The following BCLAF1 variants were observed in gnomAD, a reference collection of about 807,000 sequenced individuals.
BCLAF1 encodes bcl-2-associated transcription factor 1.
In BCLAF1, 10 loss-of-function variants were observed where a neutral mutation model predicts 99.5. That is an observed-to-expected ratio of 0.10 (90% CI 0.06 to 0.17). The LOEUF (loss-of-function observed/expected upper bound fraction) is 0.17, where lower values mean the gene tolerates loss of function less well. Among genes scored for constraint, BCLAF1 ranks in the 10% least tolerant of loss-of-function variants. The pLI is 1.00. For synonymous variants in BCLAF1, 255 were observed against 370.9 expected, an observed-to-expected ratio of 0.69 and a Z score of 3.59; for missense variants, 636 against 1,105.8, an observed-to-expected ratio of 0.58 and a Z score of 6.02.
chr6:136,263,610 T>C (rs1347727491), intron 11 of BCLAF1, among the ~76,000 whole-genome samples: 9 of 152,310 alleles, frequency 5.9e-5, no homozygotes, highest in African/African-American at 2.2e-4. Flanking sequence ...AAGGAGTCTG[T>C]ATTAGAAACC....
chr6:136,269,080 T>C, intron 9 of BCLAF1: 1 of 1,117,646 alleles, frequency 8.9e-7, no homozygotes, highest in South Asian at 2.0e-5. Flanking sequence ...AAAATTCTTG[T>C]ACTCTGGGTG....
chr6:136,264,427 G>T (rs1184445128), intron 11 of BCLAF1, among the ~76,000 whole-genome samples: 1 of 152,040 alleles, frequency 6.6e-6, no homozygotes, highest in Non-Finnish European at 1.5e-5. Context: ...GGCTGTTCTT[G>T]AACTCCTGAC....
At chr6:136,276,559 G>C (rs1216995736) in intron 4 of BCLAF1, 51 bp from the exon 5 acceptor site, 2 of 1,513,786 alleles carry the variant, frequency 1.3e-6, no homozygotes, top group Admixed American at 2.2e-5. Context: ...ATTCACTGTA[G>C]ATCGCTTCCA....
intron 1 of BCLAF1, among the ~76,000 whole-genome samples, chr6:136,287,566 TA>T (rs1785316342): frequency 6.6e-6 from 1 of 152,212 alleles, no homozygotes; most frequent in African/African-American, 2.4e-5. Context: ...CAAATCACTG[TA>T]AATTACACAG....
Position 136,258,016 on chromosome 6 carries a change from C to CA in BCLAF1, c.*3093dup, listed in dbSNP as rs1780560674. The CA allele has an allele frequency of 6.6e-6, 1 of 152,114 alleles. No homozygotes were observed. The highest frequency in any genetic ancestry group is 1.5e-5 in the Non-Finnish European group (1 of 67,958). The allele number at this position is 152,114 out of a possible 1,614,324, so 9.4% of individuals were successfully genotyped here. On this transcript the variant is annotated 3_prime_UTR_variant, in exon 13 of 13. Coordinates refer to ENST00000531224, the MANE Select transcript of BCLAF1 (RefSeq NM_014739.3). Reference sequence around the variant, plus strand: ...CACTTTACATGCATATGTATGTACACACAGAGTTATTTCTCTCACAGAATT... The same window carrying CA: ...CACTTTACATGCATATGTATGTACACAACAGAGTTATTTCTCTCACAGAATT...
chr6:136,282,134 C>T (rs563046525), intron 2 of BCLAF1, among the ~76,000 whole-genome samples: 7 of 152,250 alleles, frequency 4.6e-5, no homozygotes, highest in Admixed American at 6.5e-5. Flanking sequence ...AACTGTAAAA[C>T]GAAGAAAATA....
intron 11 of BCLAF1, among the ~76,000 whole-genome samples, chr6:136,264,684 A>C (rs978536052): frequency 3.9e-5 from 6 of 152,200 alleles, no homozygotes; most frequent in Non-Finnish European, 7.3e-5. Context: ...TTTAAATTTA[A>C]CTATTCATGT....
rs545786426 is a variant in BCLAF1, at chr6:136,289,539, T to C, written c.-115+174A>G. Among the ~76,000 whole-genome samples the C allele has an allele frequency of 5.9e-5, 9 of 152,338 alleles. No homozygotes were observed. The South Asian group carries it at 1.9e-3, about 32-fold the overall frequency. ...GCCCCCGCCCGGCCTTTTCGGCCCG[T>C]AGTGCCTCGAAAACCTGAGAGAAGC... is the stretch of plus-strand genomic sequence containing the variant. On this transcript the variant is annotated intron_variant, in intron 1 of 12. Coordinates refer to ENST00000531224, the MANE Select transcript of BCLAF1 (RefSeq NM_014739.3).
At position 136,257,672 on chromosome 6, in the gene BCLAF1, T is replaced by C. The variant is rs1214402843; in HGVS notation, c.*3438A>G. The C allele has an allele frequency of 6.6e-6, 1 of 152,182 alleles. No individual in the cohort carries two copies. The highest frequency in any genetic ancestry group is 2.4e-5 in the African/African-American group (1 of 41,472). The allele number at this position is 152,182 out of a possible 1,614,324, so 9.4% of individuals were successfully genotyped here. A position where few individuals can be genotyped will look rare whatever the true frequency, so the allele number is the denominator to read the frequency against. ...TCTAAACATGTAATGGATATTACTT[T>C]CTCATTTTAAGGCTCAAGAGATTGA... On this transcript the variant is annotated 3_prime_UTR_variant, in exon 13 of 13. Coordinates refer to ENST00000531224, the MANE Select transcript of BCLAF1 (RefSeq NM_014739.3).
intron 1 of BCLAF1, 120 bp from the exon 2 acceptor site, chr6:136,282,807 G>C (rs561470208): frequency 2.0e-5 from 3 of 152,232 alleles, no homozygotes; most frequent in African/African-American, 7.2e-5. Flanking sequence ...TTCAGGGAAG[G>C]AAAAACTAAT....
At position 136,278,183 on chromosome 6, in the gene BCLAF1, G is replaced by T. The variant is rs752781419; in HGVS notation, c.698C>A (p.Ala233Asp). ...PRSPHSPSPI[A>D]TPPSQSSSCS... Reference sequence around the variant, plus strand: ...AGATGAACTCTGACTAGGTGGTGTAGCAATAGGTGAAGGACTATGGGGTGA... The same window carrying T: ...AGATGAACTCTGACTAGGTGGTGTATCAATAGGTGAAGGACTATGGGGTGA... The change falls in exon 4 of 13, where the codon GCT becomes GAT. Residue 233 changes from alanine to aspartate, a missense_variant. Ala to Asp is a moderately radical substitution (Grantham distance 126, BLOSUM62 -2). Around this residue, in one of 9 missense-constraint regions of BCLAF1, gnomAD observed 65 missense variants for 90.9 expected, o/e 0.71. Coordinates refer to ENST00000531224, the MANE Select transcript of BCLAF1 (RefSeq NM_014739.3). 3 of 1,613,842 alleles carry T rather than the reference G, an allele frequency of 1.9e-6. No individual in the cohort carries two copies. The South Asian group carries it at 3.3e-5, about 18-fold the overall frequency.
At chr6:136,262,784 T>C (rs951896603) in intron 11 of BCLAF1, among the ~76,000 whole-genome samples, 1 of 152,184 alleles carries the variant, frequency 6.6e-6, no homozygotes, top group African/African-American at 2.4e-5. Flanking sequence ...CATGCTCCCT[T>C]ATCACATTAA....
intron 11 of BCLAF1, among the ~76,000 whole-genome samples, chr6:136,264,914 A>G (rs767651025): frequency 2.6e-5 from 4 of 152,216 alleles, no homozygotes; most frequent in African/African-American, 4.8e-5. Context: ...ATAAGTGGCT[A>G]AATTCTTAAA....
At chr6:136,270,909 C>A (rs1584037926) in intron 8 of BCLAF1, among the ~76,000 whole-genome samples, 1 of 151,526 alleles carries the variant, frequency 6.6e-6, no homozygotes, top group South Asian at 2.1e-4. Flanking sequence ...AAGTTAAAAA[C>A]CAAAAAAAGT....
Position 136,277,921 on chromosome 6 carries a change from C to G in BCLAF1, c.960G>C (p.Ser320=), listed in dbSNP as rs772559558. The G allele has an allele frequency of 1.3e-6, 2 of 1,573,856 alleles. No homozygotes were observed. Among genetic ancestry groups the G allele is most frequent in the Non-Finnish European group, 1.7e-6 (2 of 1,165,878 alleles). The change falls in exon 4 of 13, where the codon TCG becomes TCC. Residue 320 remains serine (S), a synonymous_variant. Transcript: ENST00000531224. ...APRDESRGRS[S]FYPDGGDQET... ...CCTGATCTCCACCATCAGGATAAAA[C>G]GAGGAACGGCCCCTAGACTCATCTC...
At chr6:136,285,731 C>T (rs1457732253) in intron 1 of BCLAF1, among the ~76,000 whole-genome samples, 1 of 152,124 alleles carries the variant, frequency 6.6e-6, no homozygotes, top group African/African-American at 2.4e-5. Flanking sequence ...TCTTAAATAT[C>T]TAAACAGAGC....
In BCLAF1 at chr6:136,260,156, T is replaced by C. The variant is rs1198694750; in HGVS notation, c.*954A>G. On this transcript the variant is annotated 3_prime_UTR_variant, in exon 13 of 13. Coordinates refer to ENST00000531224, the MANE Select transcript of BCLAF1 (RefSeq NM_014739.3). ...TTTTACTAATAGTTACACTACAAAC[T>C]AATGTTCAGCTCAAATAAATATGTA... The C allele has an allele frequency of 6.6e-6, 1 of 152,080 alleles. No homozygotes were observed. The highest frequency in any genetic ancestry group is 1.5e-5 in the Non-Finnish European group (1 of 67,922). The allele number at this position is 152,080 out of a possible 1,614,324, so 9.4% of individuals were successfully genotyped here. A position where few individuals can be genotyped will look rare whatever the true frequency, so the allele number is the denominator to read the frequency against.
intron 7 of BCLAF1, among the ~76,000 whole-genome samples, chr6:136,272,473 CTTTCT>C (rs1263313047): frequency 2.0e-5 from 3 of 151,926 alleles, no homozygotes; most frequent in Admixed American, 1.3e-4. Context: ...TGCACCTTTC[CTTTCT>C]AAGTCAGTAT....
chr6:136,287,540 C>T (rs1037573786), intron 1 of BCLAF1, among the ~76,000 whole-genome samples: 2 of 152,186 alleles, frequency 1.3e-5, no homozygotes, highest in Admixed American at 6.5e-5. Flanking sequence ...CCCTCTTCTA[C>T]TTATTTGGTA....
Sources: allele counts gnomAD v4.1 joint callset (sites outside exome capture counted in the v4.1 genomes callset), GRCh38; gene constraint gnomAD v4.1.1; regional missense constraint gnomAD v4.1.1; transcripts MANE v1.5; gene names NCBI Gene and HGNC (gene_info 2026-07-23, HGNC 2026-07-21).